Variants in NAALADL2 observed in about 807,000 individuals in gnomAD.
The protein encoded by NAALADL2 is N-acetylated alpha-linked acidic dipeptidase like 2.
NAALADL2 carries 76 observed loss-of-function variants against 87.2 expected under a neutral mutation model. The ratio of observed to expected loss-of-function variants is 0.87; its 90% CI spans 0.72 to 1.05. The LOEUF (loss-of-function observed/expected upper bound fraction) is 1.05, where lower values mean the gene tolerates loss of function less well. Ranked by LOEUF, NAALADL2 falls within the 50% of genes least tolerant of loss-of-function variation. The pLI is 0.00. For missense variants in NAALADL2, 1,089 were observed against 945.8 expected (o/e 1.15, Z -1.99); for synonymous variants, 354 against 331.0 (o/e 1.07, Z -0.75).
intron 10 of NAALADL2, among the ~76,000 whole-genome samples, chr3:175,586,803 C>T (rs1048887059): frequency 6.6e-6 from 1 of 152,274 alleles, no homozygotes; most frequent in Non-Finnish European, 1.5e-5. Flanking sequence ...ATAATTAATA[C>T]AACCATAATA....
chr3:174,830,299 T>C (rs1464978003), intron 3 of NAALADL2, among the ~76,000 whole-genome samples: 5 of 151,066 alleles, frequency 3.3e-5, no homozygotes, highest in Non-Finnish European at 7.4e-5. Context: ...TTGTATAAGG[T>C]GTAAGGAAGG....
At chr3:174,532,559 A>G (rs1039073049) in intron 1 of NAALADL2, among the ~76,000 whole-genome samples, 2 of 152,186 alleles carry the variant, frequency 1.3e-5, no homozygotes, top group African/African-American at 4.8e-5. Context: ...CTGTTCAAAG[A>G]GTACTGTTCT....
At chr3:175,041,955 T>C (rs775542467) in intron 1 of NAALADL2, among the ~76,000 whole-genome samples, 20 of 152,264 alleles carry the variant, frequency 1.3e-4, no homozygotes, top group Non-Finnish European at 2.6e-4. Context: ...TAATACCTGC[T>C]CTTATATTTC....
At chr3:175,051,425 A>G (rs1476141387) in intron 1 of NAALADL2, among the ~76,000 whole-genome samples, 1 of 152,116 alleles carries the variant, frequency 6.6e-6, no homozygotes, top group Non-Finnish European at 1.5e-5. Context: ...TCCAGAGCTC[A>G]CAGACCTGTG....
At chr3:175,588,943 A>G (rs1292841655) in intron 10 of NAALADL2, among the ~76,000 whole-genome samples, 1 of 152,208 alleles carries the variant, frequency 6.6e-6, no homozygotes, top group Non-Finnish European at 1.5e-5. Flanking sequence ...GATTATGGCC[A>G]CATACTACTT....
At chr3:174,473,316 C>T (rs372553844) in intron 1 of NAALADL2, among the ~76,000 whole-genome samples, 16 of 152,250 alleles carry the variant, frequency 1.1e-4, no homozygotes, top group South Asian at 4.1e-4. Flanking sequence ...CAAGAAAATA[C>T]GACTTTTTGC....
At chr3:175,374,465 A>G (rs1289175036) in intron 5 of NAALADL2, among the ~76,000 whole-genome samples, 1 of 144,620 alleles carries the variant, frequency 6.9e-6, no homozygotes, top group Non-Finnish European at 1.5e-5. Context: ...GAGGTAGAAG[A>G]ATTGCTTGAA....
intron 10 of NAALADL2, chr3:175,609,422 A>G (rs190399280): frequency 4.6e-5 from 7 of 152,294 alleles, no homozygotes; most frequent in Admixed American, 3.3e-4. Flanking sequence ...TATAGTATAT[A>G]TGACTTTTTT....
chr3:175,520,686 T>C (rs1732531398), intron 9 of NAALADL2, among the ~76,000 whole-genome samples: 1 of 152,164 alleles, frequency 6.6e-6, no homozygotes, highest in Admixed American at 6.5e-5. Flanking sequence ...GAAATATAAT[T>C]GAAGTAACTG....
At chr3:174,785,117 A>G (rs1483109204) in intron 3 of NAALADL2, among the ~76,000 whole-genome samples, 5 of 152,200 alleles carry the variant, frequency 3.3e-5, no homozygotes, top group Non-Finnish European at 7.3e-5. Flanking sequence ...TATGAATGAC[A>G]CTGTCACCCA....
At chr3:174,652,850 A>C (rs1724511898) in intron 2 of NAALADL2, among the ~76,000 whole-genome samples, 1 of 152,214 alleles carries the variant, frequency 6.6e-6, no homozygotes, top group African/African-American at 2.4e-5. Context: ...TAGATATCAA[A>C]TATAAGAATC....
chr3:175,107,958 T>TA (rs11284556), intron 2 of NAALADL2, among the ~76,000 whole-genome samples: 53 of 151,472 alleles, frequency 3.5e-4, no homozygotes, highest in Non-Finnish European at 6.3e-4. Context: ...TTCTTATCTA[T>TA]AAAAAAAATG....
chr3:175,393,280 C>CAAAAAAAAAAAAA lies in NAALADL2; in HGVS notation c.1091-53925_1091-53913dup, dbSNP rs775778803. Among the ~76,000 whole-genome samples, 10 of 29,520 alleles carry CAAAAAAAAAAAAA rather than the reference C, an allele frequency of 3.4e-4. 2 individuals are homozygous for CAAAAAAAAAAAAA. The highest frequency in any genetic ancestry group is 7.2e-4 in the African/African-American group (5 of 6,992). The allele number at this position is 29,520 out of a possible 152,430, so 19.4% of individuals were successfully genotyped here. On this transcript the variant is annotated intron_variant, in intron 5 of 13. Transcript: ENST00000454872. ...TGGGCGACAGAGCGAGACTCCGTCTCAAAAAAAAAAAAAAAAAAAAAAAAA... is the reference window on the plus strand; with the variant it reads ...TGGGCGACAGAGCGAGACTCCGTCTCAAAAAAAAAAAAAAAAAAAAAAAAAAAAAAAAAAAAAA...
At chr3:175,592,997 T>TA (rs992702533) in intron 10 of NAALADL2, among the ~76,000 whole-genome samples, 5 of 152,132 alleles carry the variant, frequency 3.3e-5, no homozygotes, top group African/African-American at 1.2e-4. Flanking sequence ...AATTCTTTTT[T>TA]AAAAAAATTA....
chr3:174,619,111 G>T (rs866835682), intron 2 of NAALADL2, among the ~76,000 whole-genome samples: 1 of 151,884 alleles, frequency 6.6e-6, no homozygotes, highest in Non-Finnish European at 1.5e-5. Context: ...CCTAGATACT[G>T]AAATTAGATT....
At chr3:175,403,272 G>A (rs976512565) in intron 5 of NAALADL2, among the ~76,000 whole-genome samples, 6 of 152,112 alleles carry the variant, frequency 3.9e-5, no homozygotes, top group Middle Eastern at 3.4e-3. Flanking sequence ...CAATTTCAGA[G>A]TCTTTTTTTA....
chr3:174,693,873 C>G (rs1188901293), intron 2 of NAALADL2, among the ~76,000 whole-genome samples: 1 of 152,078 alleles, frequency 6.6e-6, no homozygotes. Flanking sequence ...GAAAGAGGCA[C>G]TCATATCCAC....
chr3:175,732,469 C>T (rs1303491070), intron 11 of NAALADL2, among the ~76,000 whole-genome samples: 5 of 152,082 alleles, frequency 3.3e-5, no homozygotes, highest in Admixed American at 6.6e-5. Context: ...TCCTTAGAGG[C>T]GACACTATCT....
At chr3:175,193,758 A>G (rs1203959092) in intron 2 of NAALADL2, among the ~76,000 whole-genome samples, 1 of 151,994 alleles carries the variant, frequency 6.6e-6, no homozygotes, top group South Asian at 2.1e-4. Context: ...TTAATATGCT[A>G]CTTTGAATTT....
Sources: allele counts gnomAD v4.1 joint callset (sites outside exome capture counted in the v4.1 genomes callset), GRCh38; gene constraint gnomAD v4.1.1; transcripts MANE v1.5; gene names NCBI Gene and HGNC (gene_info 2026-07-23, HGNC 2026-07-21).